Variants in CSMD3 observed in about 807,000 individuals in gnomAD.
CSMD3 encodes the protein CUB and sushi domain-containing protein 3.
Under a neutral mutation model 435.2 loss-of-function variants are expected in CSMD3, and 177 were observed. That is an observed-to-expected ratio of 0.41 (90% confidence interval 0.36 to 0.46). The LOEUF (loss-of-function observed/expected upper bound fraction) is 0.46. Among genes scored for constraint, CSMD3 ranks in the 20% least tolerant of loss-of-function variants. The pLI is 0.34. For synonymous variants in CSMD3, 1,656 were observed against 1,520.5 expected (o/e 1.09, Z -2.07); for missense variants, 4,265 against 4,504.6 (o/e 0.95, Z 1.52).
chr8:112,981,528 A>G (rs1447998043), intron 6 of CSMD3, among the ~76,000 whole-genome samples: 4 of 151,608 alleles, frequency 2.6e-5, no homozygotes, highest in Non-Finnish European at 4.4e-5. Flanking sequence ...ATTTGCTGTC[A>G]TTTATCATGT....
At chr8:113,024,093 C>T (rs1283263990) in intron 5 of CSMD3, among the ~76,000 whole-genome samples, 1 of 152,146 alleles carries the variant, frequency 6.6e-6, no homozygotes, top group Non-Finnish European at 1.5e-5. Flanking sequence ...TCCTCAGTCT[C>T]TGGTAACCAC....
At chr8:112,955,277 A>G (rs1386802500) in intron 7 of CSMD3, among the ~76,000 whole-genome samples, 1 of 151,724 alleles carries the variant, frequency 6.6e-6, no homozygotes, top group African/African-American at 2.4e-5. Context: ...AATCATTTCC[A>G]TTCATTATCA....
intron 10 of CSMD3, among the ~76,000 whole-genome samples, chr8:112,878,817 G>A (rs2081365828): frequency 6.6e-6 from 1 of 152,066 alleles, no homozygotes; most frequent in African/African-American, 2.4e-5. Context: ...TGAAGGCATG[G>A]CAGAAGAACA....
chr8:113,176,619 A>G (rs1349688476), intron 3 of CSMD3, among the ~76,000 whole-genome samples: 1 of 152,160 alleles, frequency 6.6e-6, no homozygotes, highest in Non-Finnish European at 1.5e-5. Context: ...TAGATTTTAG[A>G]TAATGTTTCT....
At chr8:113,061,887 T>C (rs1488892066) in intron 5 of CSMD3, among the ~76,000 whole-genome samples, 1 of 151,872 alleles carries the variant, frequency 6.6e-6, no homozygotes, top group Non-Finnish European at 1.5e-5. Flanking sequence ...CAAGAACTTT[T>C]CTTTAAACAT....
At chr8:112,459,855 T>A (rs1173324180) in intron 32 of CSMD3, among the ~76,000 whole-genome samples, 1 of 152,128 alleles carries the variant, frequency 6.6e-6, no homozygotes, top group Non-Finnish European at 1.5e-5. Flanking sequence ...ATATAGTCCC[T>A]TTCAGAAAAC....
At chr8:112,742,895 G>C (rs930875819) in intron 13 of CSMD3, among the ~76,000 whole-genome samples, 2 of 151,972 alleles carry the variant, frequency 1.3e-5, no homozygotes, top group Admixed American at 1.3e-4. Context: ...TGGATGTGTG[G>C]CCTGTATAGT....
chr8:112,276,561 C>T (rs559824912), intron 59 of CSMD3, among the ~76,000 whole-genome samples: 25 of 152,002 alleles, frequency 1.6e-4, no homozygotes, highest in African/African-American at 4.8e-4. Context: ...GAGGAAAAAA[C>T]GGTTTCATGG....
At chr8:113,223,357 T>C (rs2092991590) in intron 3 of CSMD3, among the ~76,000 whole-genome samples, 1 of 150,522 alleles carries the variant, frequency 6.6e-6, no homozygotes, top group Non-Finnish European at 1.5e-5. Flanking sequence ...GCAAGCTCTA[T>C]GACTTCCTTG....
intron 5 of CSMD3, among the ~76,000 whole-genome samples, chr8:113,030,072 G>A (rs2087027852): frequency 6.6e-6 from 1 of 151,192 alleles, no homozygotes; most frequent in Non-Finnish European, 1.5e-5. Flanking sequence ...ACCAAACCAA[G>A]GAATTGAAAG....
At chr8:112,876,634 G>T (rs558924557) in intron 10 of CSMD3, among the ~76,000 whole-genome samples, 5 of 151,902 alleles carry the variant, frequency 3.3e-5, no homozygotes, top group African/African-American at 1.2e-4. Flanking sequence ...ATTCAACAGC[G>T]CTTCATGCTA....
rs561922096 is a variant in CSMD3 at position 112,601,441 on chromosome 8, C to T, written c.3716-14206G>A. On this transcript the variant is annotated intron_variant, in intron 22 of 70. Transcript: ENST00000297405. ...CCTTCATGATATTTCCACTCAGAGG[C>T]GAATAAGATACAAACATACAATCAA... Among the ~76,000 whole-genome samples the T allele has an allele frequency of 1.1e-4, 16 of 152,010 alleles. No individual in the cohort carries two copies. In the South Asian group the frequency reaches 2.9e-3, roughly 28 times the overall value.
intron 40 of CSMD3, among the ~76,000 whole-genome samples, chr8:112,348,068 A>G (rs1296935710): frequency 2.6e-5 from 4 of 152,220 alleles, no homozygotes; most frequent in Non-Finnish European, 5.9e-5. Flanking sequence ...GAATAGAGTA[A>G]AGAGATAACA....
At chr8:113,019,538 TTTA>T (rs1230284392) in intron 5 of CSMD3, among the ~76,000 whole-genome samples, 1 of 148,900 alleles carries the variant, frequency 6.7e-6, no homozygotes, top group African/African-American at 2.4e-5. Flanking sequence ...TTGTTTATTA[TTTA>T]TTATATCTTA....
At chr8:112,344,855 A>G (rs1825510388) in intron 41 of CSMD3, among the ~76,000 whole-genome samples, 2 of 152,160 alleles carry the variant, frequency 1.3e-5, no homozygotes, top group South Asian at 4.1e-4. Flanking sequence ...ATATTTTAAA[A>G]TTCATACTAC....
At chr8:112,895,862 A>G (rs2081935971) in intron 10 of CSMD3, among the ~76,000 whole-genome samples, 2 of 151,456 alleles carry the variant, frequency 1.3e-5, no homozygotes, top group African/African-American at 4.8e-5. Context: ...GAAAAAGGAG[A>G]TAATGCAAAA....
At chr8:112,599,004 A>C (rs370196025) in intron 22 of CSMD3, among the ~76,000 whole-genome samples, 118 of 149,078 alleles carry the variant, frequency 7.9e-4, no homozygotes, top group African/African-American at 1.4e-3. Flanking sequence ...GCAACAAAAG[A>C]CAAAATTGAC....
chr8:112,332,587 A>G (rs1824171826), intron 45 of CSMD3, among the ~76,000 whole-genome samples: 1 of 152,190 alleles, frequency 6.6e-6, no homozygotes, highest in Non-Finnish European at 1.5e-5. Context: ...ATTAGGCTAG[A>G]GAAATTTAAA....
At chr8:113,304,963 A>C (rs1168924514) in intron 2 of CSMD3, among the ~76,000 whole-genome samples, 1 of 148,452 alleles carries the variant, frequency 6.7e-6, no homozygotes, top group Non-Finnish European at 1.5e-5. Context: ...ATGGAATACT[A>C]TGCAGCCATA....
Sources: gnomAD v4.1 joint callset for allele counts (sites outside exome capture counted in the v4.1 genomes callset) on GRCh38, gnomAD v4.1.1 for gene constraint, MANE v1.5 for transcripts, NCBI Gene and HGNC (gene_info 2026-07-23, HGNC 2026-07-21) for gene names.